Variants in SOX5 observed in about 807,000 individuals in gnomAD.
The protein encoded by SOX5 is transcription factor SOX-5.
A neutral mutation model predicts 92.0 loss-of-function variants in SOX5; 9 were observed. That is an observed-to-expected ratio of 0.10 (90% CI 0.06 to 0.17). The LOEUF is 0.17. Ranked by LOEUF, SOX5 falls within the 10% of genes least tolerant of loss-of-function variation. The probability of loss-of-function intolerance (pLI) is 1.00; values close to 1 mark genes in which losing one functional copy is unlikely to be tolerated. For synonymous variants in SOX5, 344 were observed against 336.3 expected (o/e 1.02, Z -0.25); for missense variants, 642 against 944.5 (o/e 0.68, Z 4.20).
At chr12:23,952,423 A>T (rs999053527), upstream of SOX5, among the ~76,000 whole-genome samples, 5 of 152,212 alleles carry the variant, frequency 3.3e-5, no homozygotes, top group African/African-American at 1.2e-4. Context: ...GAGGCCAACT[A>T]TAGTATAAAG....
rs1296279296 is a variant in SOX5, at chr12:24,132,069, C to A, written c.-2+81274G>T. Among the ~76,000 whole-genome samples, 3 of 152,138 alleles carry A rather than the reference C, an allele frequency of 2.0e-5. No homozygotes were observed. In the South Asian group the frequency reaches 6.2e-4, roughly 31 times the overall value. Reference sequence around the variant, plus strand: ...CATTGTGTTACGTTCCCATTCCAGGCTCTCTTCAATCCCTAATGCTAAGTA... The same window carrying A: ...CATTGTGTTACGTTCCCATTCCAGGATCTCTTCAATCCCTAATGCTAAGTA... On this transcript the variant is annotated intron_variant, in intron 4 of 4. Transcript: ENST00000446891.
rs1011208485 is a variant in SOX5, at chr12:24,163,000, G to A, written c.-2+50343C>T. ...TAAATGAGCTCTGCAAATATTAACC[G>A]GTGTCAGGCATGCTGTGAGCCTCTT... On this transcript the variant is annotated intron_variant, in intron 4 of 4. Transcript: ENST00000446891. Among the ~76,000 whole-genome samples, 7 of 152,114 alleles carry A rather than the reference G, an allele frequency of 4.6e-5. No homozygotes were observed. The East Asian group carries it at 1.2e-3, about 25-fold the overall frequency.
intron 4 of SOX5, among the ~76,000 whole-genome samples, chr12:24,024,840 A>C (rs557765615): frequency 1.6e-4 from 25 of 152,114 alleles, no homozygotes; most frequent in Middle Eastern, 3.4e-3. Context: ...GCTTGAGTAT[A>C]AGCACTTAGA....
chr12:24,040,843 A>C (rs1319701969), intron 4 of SOX5, among the ~76,000 whole-genome samples: 1 of 152,176 alleles, frequency 6.6e-6, no homozygotes, highest in Non-Finnish European at 1.5e-5. Context: ...ACTGCACTCC[A>C]GCCTGGGCGA....
intron 1 of SOX5, among the ~76,000 whole-genome samples, chr12:24,463,318 T>C (rs141615581): frequency 6.6e-5 from 10 of 152,298 alleles, no homozygotes; most frequent in African/African-American, 2.2e-4. Context: ...TTACAGAGTC[T>C]AAGTTTCAGA....
intron 4 of SOX5, among the ~76,000 whole-genome samples, chr12:24,115,563 TGGG>T (rs1252995159): frequency 1.3e-5 from 2 of 152,092 alleles, no homozygotes; most frequent in Non-Finnish European, 1.5e-5. Context: ...CCCTCCCTGT[TGGG>T]GGAGGGAAGT....
chr12:23,712,436 A>C (rs1002204788), intron 6 of SOX5, among the ~76,000 whole-genome samples: 3 of 152,236 alleles, frequency 2.0e-5, no homozygotes, highest in African/African-American at 4.8e-5. Context: ...CACACTCAGC[A>C]ATAGAGCTGT....
chr12:23,539,770 C>A (rs958903686), intron 13 of SOX5, among the ~76,000 whole-genome samples: 1 of 152,026 alleles, frequency 6.6e-6, no homozygotes, highest in Non-Finnish European at 1.5e-5. Context: ...ATCACTGAAT[C>A]CTAAATTACA....
At chr12:23,980,049 G>A (rs1449286237) in intron 4 of SOX5, among the ~76,000 whole-genome samples, 1 of 151,608 alleles carries the variant, frequency 6.6e-6, no homozygotes, top group African/African-American at 2.4e-5. Context: ...GGCCTCAAGT[G>A]AACCTCCTGC....
rs900951883 is a variant in SOX5 at position 24,121,885 on chromosome 12, CAAAAAAAAAAAAAAAA to C, written c.-2+91442_-2+91457del. ...TGGGCGACAGAGTGAGACTCTATCTCAAAAAAAAAAAAAAAAAAAAAAAAAGGGATGAGATGATATT... is the reference window on the plus strand; with the variant it reads ...TGGGCGACAGAGTGAGACTCTATCTCAAAAAAAAAGGGATGAGATGATATT... On this transcript the variant is annotated intron_variant, in intron 4 of 4. Transcript: ENST00000446891. 2.3e-4 allele frequency among the ~76,000 whole-genome samples: 11 copies of C among 48,260 alleles called. No homozygotes were observed. The Admixed American group carries it at 2.7e-3, about 12-fold the overall frequency. 31.7% of individuals were successfully genotyped at this position (48,260 alleles called of 152,430 possible).
chr12:23,640,918 G>A (rs1331378184), intron 7 of SOX5, 21 bp from the exon 8 acceptor site: 2 of 1,518,510 alleles, frequency 1.3e-6, no homozygotes, highest in Admixed American at 3.5e-5. Flanking sequence ...GAATAATAGA[G>A]GCGTCAGCAC....
At chr12:23,903,038 T>C (rs974755337) in intron 1 of SOX5, among the ~76,000 whole-genome samples, 2 of 152,168 alleles carry the variant, frequency 1.3e-5, no homozygotes, top group Admixed American at 6.5e-5. Context: ...AGAGTTCTGA[T>C]GGAAACAGGA....
chr12:24,538,540 T>C (rs1314237788), intron 1 of SOX5, among the ~76,000 whole-genome samples: 1 of 150,900 alleles, frequency 6.6e-6, no homozygotes. Flanking sequence ...AGCAACAAAT[T>C]CCCAGATCTC....
chr12:23,899,441 A>G (rs1308432090), intron 1 of SOX5, among the ~76,000 whole-genome samples: 1 of 151,582 alleles, frequency 6.6e-6, no homozygotes, highest in Non-Finnish European at 1.5e-5. Flanking sequence ...AAGTGTGCAT[A>G]TATTTATATA....
chr12:23,543,311 C>T lies in SOX5; in HGVS notation c.1671G>A (p.Lys557=). 1 of 1,613,930 alleles carries T rather than the reference C, an allele frequency of 6.2e-7. No individual in the cohort carries two copies. The highest frequency in any genetic ancestry group is 8.5e-7 in the Non-Finnish European group (1 of 1,179,834). ...RGRGSNEPHI[K]RPMNAFMVWA... ...ACACCATGAAGGCATTCATTGGACG[C>T]TTTATGTGGGGTTCATTGCTACCAC... Residue 557 remains lysine (K), a synonymous_variant, in exon 13 of 15, where the codon AAG becomes AAA. Coordinates refer to ENST00000451604, the MANE Select transcript of SOX5 (RefSeq NM_006940.6).
chr12:24,184,354 TCAAAAACATTTTAAC>T (rs1019906657), intron 4 of SOX5, among the ~76,000 whole-genome samples: 124 of 152,248 alleles, frequency 8.1e-4, no homozygotes, highest in African/African-American at 2.9e-3. Context: ...GAATCACTAT[TCAAAAACATTTTAAC>T]CAAAATGATT....
chr12:24,255,922 G>A (rs1941082688), intron 3 of SOX5, among the ~76,000 whole-genome samples: 1 of 152,112 alleles, frequency 6.6e-6, no homozygotes, highest in Admixed American at 6.5e-5. Context: ...CAATAAAAGA[G>A]GCTCAATTAA....
At position 23,533,234 on chromosome 12, in the gene SOX5, A is replaced by T; in HGVS notation, c.*985T>A. Reference sequence around the variant, plus strand: ...GTCCAACGTTATTCCTATTATTAGTACCATAATCACATACATACATACACA... The same window carrying T: ...GTCCAACGTTATTCCTATTATTAGTTCCATAATCACATACATACATACACA... On this transcript the variant is annotated 3_prime_UTR_variant, in exon 15 of 15. Coordinates refer to ENST00000451604, the MANE Select transcript of SOX5 (RefSeq NM_006940.6). 2.2e-6 allele frequency: 1 copy of T among 454,834 alleles called. No homozygotes were observed. The highest frequency in any genetic ancestry group is 1.6e-5 in the South Asian group (1 of 64,300). 28.2% of individuals were successfully genotyped at this position (454,834 alleles called of 1,614,324 possible).
At chr12:23,780,190 C>A (rs1437655561) in intron 3 of SOX5, among the ~76,000 whole-genome samples, 1 of 151,818 alleles carries the variant, frequency 6.6e-6, no homozygotes, top group African/African-American at 2.4e-5. Context: ...AAACTACATT[C>A]TTTAATAAAA....
Sources: allele counts gnomAD v4.1 joint callset (sites outside exome capture counted in the v4.1 genomes callset), GRCh38; gene constraint gnomAD v4.1.1; transcripts MANE v1.5; gene names NCBI Gene and HGNC (gene_info 2026-07-23, HGNC 2026-07-21).